Variants in TIAM1 observed in about 807,000 individuals in gnomAD.
TIAM1 encodes rho guanine nucleotide exchange factor TIAM1.
TIAM1 carries 65 observed loss-of-function variants against 163.5 expected under a neutral mutation model. That is an observed-to-expected ratio of 0.40 (90% CI 0.33 to 0.49). TIAM1 has a LOEUF of 0.49. TIAM1 is among the 20% of genes least tolerant of loss of function. The pLI is 0.77. For synonymous variants in TIAM1, 833 were observed against 810.1 expected (o/e 1.03, Z -0.48); for missense variants, 1,789 against 2,044.7 (o/e 0.87, Z 2.41).
At chr21:31,215,543 C>A (rs1243298764) in intron 9 of TIAM1, among the ~76,000 whole-genome samples, 4 of 118,948 alleles carry the variant, frequency 3.4e-5, no homozygotes, top group African/African-American at 6.8e-5. Context: ...CCTGGGGCAA[C>A]AGAGTGAGAC....
chr21:31,263,446 C>T (rs561521615), intron 4 of TIAM1, among the ~76,000 whole-genome samples: 5 of 152,328 alleles, frequency 3.3e-5, no homozygotes, highest in African/African-American at 1.2e-4. Context: ...TTTAGATGAT[C>T]TCACTTCCAT....
intron 15 of TIAM1, 43 bp downstream of exon 15, chr21:31,182,378 C>T (rs1212151065): frequency 6.9e-7 from 1 of 1,453,950 alleles, no homozygotes; most frequent in Non-Finnish European, 9.1e-7. Flanking sequence ...GGTCGTGGCA[C>T]AACGGAGTTC....
At chr21:31,538,881 TGCAC>T (rs2048226084) in intron 1 of TIAM1, among the ~76,000 whole-genome samples, 1 of 152,130 alleles carries the variant, frequency 6.6e-6, no homozygotes, top group South Asian at 2.1e-4. Context: ...AGGGGCAGCC[TGCAC>T]GCATCGTCCC....
At chr21:31,172,678 T>A (rs2084573710) in intron 15 of TIAM1, among the ~76,000 whole-genome samples, 1 of 152,056 alleles carries the variant, frequency 6.6e-6, no homozygotes, top group African/African-American at 2.4e-5. Context: ...GACTGTGGAC[T>A]CTCTCAGACA....
intron 3 of TIAM1, among the ~76,000 whole-genome samples, chr21:31,270,438 A>C (rs1253616364): frequency 2.6e-5 from 4 of 152,186 alleles, no homozygotes; most frequent in African/African-American, 7.2e-5. Context: ...TTTTAAATTC[A>C]TTAAACTCTT....
chr21:31,439,443 C>T (rs917101223), intron 2 of TIAM1, among the ~76,000 whole-genome samples: 3 of 152,150 alleles, frequency 2.0e-5, no homozygotes, highest in African/African-American at 7.2e-5. Flanking sequence ...GCATGCACCA[C>T]CATGTCCAGC....
intron 2 of TIAM1, among the ~76,000 whole-genome samples, chr21:31,407,326 G>A (rs758189087): frequency 6.6e-6 from 1 of 152,112 alleles, no homozygotes; most frequent in Admixed American, 6.5e-5. Context: ...TGGGCTCATG[G>A]AGCATTTTAT....
At chr21:31,152,538 C>T in intron 19 of TIAM1, 98 bp downstream of exon 19, 1 of 1,519,622 alleles carries the variant, frequency 6.6e-7, no homozygotes, top group Non-Finnish European at 8.9e-7. Context: ...AGGAACAGAC[C>T]CCACTGTGGC....
chr21:31,552,534 G>A (rs2048727495), intron 1 of TIAM1, among the ~76,000 whole-genome samples: 1 of 152,134 alleles, frequency 6.6e-6, no homozygotes, highest in Non-Finnish European at 1.5e-5. Context: ...AGCACTTTGG[G>A]AGGCCGGGGC....
At chr21:31,453,139 T>C (rs2044935942) in intron 2 of TIAM1, 1 of 303,354 alleles carries the variant, frequency 3.3e-6, no homozygotes, top group Non-Finnish European at 6.6e-6. Context: ...CTGAAAAAAG[T>C]GTTTGAAGAC....
Position 31,285,751 on chromosome 21 carries a change from C to T in TIAM1, c.-188-8843G>A, listed in dbSNP as rs903912225. Among the ~76,000 whole-genome samples, 3 of 152,136 alleles carry T rather than the reference C, an allele frequency of 2.0e-5. No homozygotes were observed. The South Asian group carries it at 6.2e-4, about 32-fold the overall frequency. ...TGGCCCACACCTGTAATCTCAGCTACTCGGGAGGCTGAGGCAGGAGAATCG... is the reference window on the plus strand; with the variant it reads ...TGGCCCACACCTGTAATCTCAGCTATTCGGGAGGCTGAGGCAGGAGAATCG... On this transcript the variant is annotated intron_variant, in intron 2 of 27. Transcript: ENST00000541036.
At position 31,548,015 on chromosome 21, in the gene TIAM1, AAAT is replaced by A. The variant is rs1218183627; in HGVS notation, c.-422+10909_-422+10911del. Among the ~76,000 whole-genome samples, 5 of 152,332 alleles carry A rather than the reference AAAT, an allele frequency of 3.3e-5. No homozygotes were observed. In the East Asian group the frequency reaches 7.7e-4, roughly 23 times the overall value. ...CACTTTCTTAATTTAATTCCAGCTA[AAAT>A]AATAACCAAAAGCTGATGCCTCAAG... On this transcript the variant is annotated intron_variant, in intron 1 of 28. Coordinates refer to the TIAM1 transcript ENST00000286827.
chr21:31,301,883 A>G (rs1479572504), intron 2 of TIAM1, among the ~76,000 whole-genome samples: 2 of 148,714 alleles, frequency 1.3e-5, no homozygotes, highest in Non-Finnish European at 3.0e-5. Flanking sequence ...TAAAATATAT[A>G]TAATATATAT....
rs532954386 is a variant in TIAM1 at position 31,154,100 on chromosome 21, A to C, written c.3171+147T>G. ...AAACAACTCAAAACAAGCTTTTAACATTCAGAGTATAGGCAAAATTCCAGG... is the reference window on the plus strand; with the variant it reads ...AAACAACTCAAAACAAGCTTTTAACCTTCAGAGTATAGGCAAAATTCCAGG... On this transcript the variant is annotated intron_variant, in intron 17 of 27. Transcript: ENST00000541036. 7 of 904,360 alleles carry C rather than the reference A, an allele frequency of 7.7e-6. No individual in the cohort carries two copies. The South Asian group carries it at 1.1e-4, about 14-fold the overall frequency. 56.0% of individuals were successfully genotyped at this position (904,360 alleles called of 1,614,324 possible).
chr21:31,387,285 C>A (rs1437821355), intron 2 of TIAM1, among the ~76,000 whole-genome samples: 1 of 138,888 alleles, frequency 7.2e-6, no homozygotes, highest in African/African-American at 2.7e-5. Flanking sequence ...TGCAGTGGTG[C>A]CATCTCAATT....
At chr21:31,152,509 C>T in intron 19 of TIAM1, 127 bp downstream of exon 19, 2 of 1,297,476 alleles carry the variant, frequency 1.5e-6, no homozygotes, top group Non-Finnish European at 2.1e-6. Context: ...CTCCATTCCC[C>T]TCCCTCTCAG....
chr21:31,238,485 T>A (rs1465071561), intron 6 of TIAM1, among the ~76,000 whole-genome samples: 1 of 152,194 alleles, frequency 6.6e-6, no homozygotes, highest in African/African-American at 2.4e-5. Context: ...GGTATTTACA[T>A]TCTACTAGCA....
At chr21:31,402,924 C>T (rs2077189840) in intron 2 of TIAM1, among the ~76,000 whole-genome samples, 1 of 152,022 alleles carries the variant, frequency 6.6e-6, no homozygotes, top group African/African-American at 2.4e-5. Flanking sequence ...TGCACTCCAG[C>T]CTGGGCGACA....
chr21:31,542,288 G>A (rs1209625218), intron 1 of TIAM1, among the ~76,000 whole-genome samples: 5 of 148,432 alleles, frequency 3.4e-5, no homozygotes, highest in African/African-American at 7.9e-5. Flanking sequence ...TTAGCCGGGC[G>A]TGGTGGTGTG....
Sources: allele counts gnomAD v4.1 joint callset (sites outside exome capture counted in the v4.1 genomes callset), GRCh38; gene constraint gnomAD v4.1.1; transcripts MANE v1.5; gene names NCBI Gene and HGNC (gene_info 2026-07-23, HGNC 2026-07-21).